The following RASAL2 variants were observed in gnomAD, a reference collection of about 807,000 sequenced individuals.
RASAL2 encodes the protein ras GTPase-activating protein nGAP.
In RASAL2, 58 loss-of-function variants were observed where a neutral mutation model predicts 128.9. That is an observed-to-expected ratio of 0.45 (90% CI 0.36 to 0.56). The LOEUF is 0.56. RASAL2 is among the 20% of genes least tolerant of loss of function. The probability of loss-of-function intolerance (pLI) is 0.00; values close to 1 mark genes in which losing one functional copy is unlikely to be tolerated. For missense variants in RASAL2, 1,360 were observed against 1,601.6 expected (o/e 0.85, Z 2.57); for synonymous variants, 561 against 580.8 (o/e 0.97, Z 0.49).
At chr1:178,452,796 CAACTT>C (rs1677477542) in intron 11 of RASAL2, 144 bp downstream of exon 11, 2 of 661,954 alleles carry the variant, frequency 3.0e-6, no homozygotes, top group South Asian at 1.9e-5. Context: ...AAAATGGAAA[CAACTT>C]AATCACTTCA....
At chr1:178,419,844 TG>T (rs1675026717) in intron 4 of RASAL2, among the ~76,000 whole-genome samples, 1 of 152,108 alleles carries the variant, frequency 6.6e-6, no homozygotes, top group African/African-American at 2.4e-5. Flanking sequence ...GAAGCTTTAA[TG>T]ATTTCATAAA....
At chr1:178,226,713 G>A (rs1663802117) in intron 1 of RASAL2, among the ~76,000 whole-genome samples, 1 of 152,164 alleles carries the variant, frequency 6.6e-6, no homozygotes, top group Admixed American at 6.5e-5. Flanking sequence ...TTGGGCGGCC[G>A]AGGCAGGCAG....
At chr1:178,202,785 G>C (rs1662916393) in intron 1 of RASAL2, among the ~76,000 whole-genome samples, 1 of 152,222 alleles carries the variant, frequency 6.6e-6, no homozygotes, top group Non-Finnish European at 1.5e-5. Context: ...TAATAATCAA[G>C]TGGATGGGAT....
chr1:178,463,415 G>T (rs1647315050), intron 14 of RASAL2, among the ~76,000 whole-genome samples: 1 of 152,120 alleles, frequency 6.6e-6, no homozygotes, highest in African/African-American at 2.4e-5. Flanking sequence ...TAACCTCTCT[G>T]TAGCACTCTG....
At chr1:178,187,619 T>C (rs1462004996) in intron 1 of RASAL2, among the ~76,000 whole-genome samples, 11 of 152,186 alleles carry the variant, frequency 7.2e-5, no homozygotes, top group Admixed American at 6.5e-5. Context: ...GAAAAACTGT[T>C]ACTTGGGAAA....
intron 1 of RASAL2, among the ~76,000 whole-genome samples, chr1:178,128,218 T>C (rs956910467): frequency 1.3e-5 from 2 of 152,128 alleles, no homozygotes; most frequent in Non-Finnish European, 1.5e-5. Context: ...AATTGATTCA[T>C]AGAAAAAAAT....
chr1:178,166,618 C>T (rs186421784), intron 1 of RASAL2, among the ~76,000 whole-genome samples: 1 of 152,122 alleles, frequency 6.6e-6, no homozygotes, highest in East Asian at 1.9e-4. Flanking sequence ...GTAGTGTCAC[C>T]AAAGATCCCT....
chr1:178,456,719 A>C lies in RASAL2; in HGVS notation c.2212-2A>C. On this transcript the variant is annotated splice_acceptor_variant, in intron 12 of 17. Coordinates refer to ENST00000367649, the MANE Select transcript of RASAL2 (RefSeq NM_170692.4). LOFTEE classifies it high-confidence loss of function. ...AATTAGGGTGAAAATTCCTTCCTAC[A>C]GGCGACCGTGGCAAAATTGGGGCCT... is the stretch of plus-strand genomic sequence containing the variant. The C allele has an allele frequency of 6.2e-7, 1 of 1,614,084 alleles. No homozygotes were observed. Among genetic ancestry groups the C allele is most frequent in the Non-Finnish European group, 8.5e-7 (1 of 1,179,992 alleles).
chr1:178,205,154 G>A (rs1321085472), intron 1 of RASAL2, among the ~76,000 whole-genome samples: 3 of 152,024 alleles, frequency 2.0e-5, no homozygotes, highest in Non-Finnish European at 4.4e-5. Context: ...ATAGGCGTAC[G>A]CTTCCATGCC....
chr1:178,452,592 G>A lies in RASAL2; in HGVS notation c.1949G>A (p.Arg650His), dbSNP rs773784348. ...CTTATGCAGGAGTATCCTGATGACC[G>A]CACATCTCGGACTCTAACTCTTATT... ...FNLMQEYPDD[R>H]TSRTLTLIAK... is the part of the protein sequence containing the mutation. Residue 650 changes from arginine to histidine, a missense_variant, in exon 11 of 18, where the codon CGC becomes CAC. Physicochemically the swap from Arg to His is conservative, Grantham distance 29 (BLOSUM62 0). Transcript: ENST00000367649. The A allele has an allele frequency of 6.8e-6, 11 of 1,613,852 alleles. No individual in the cohort carries two copies. The highest frequency in any genetic ancestry group is 4.4e-5 in the South Asian group (4 of 91,080).
At chr1:178,150,275 A>G (rs1312607703) in intron 1 of RASAL2, among the ~76,000 whole-genome samples, 3 of 151,856 alleles carry the variant, frequency 2.0e-5, no homozygotes, top group Admixed American at 6.6e-5. Context: ...GTGCACCGCA[A>G]CCTCCACCTC....
At chr1:178,178,806 T>C (rs1323727360) in intron 1 of RASAL2, among the ~76,000 whole-genome samples, 5 of 152,154 alleles carry the variant, frequency 3.3e-5, no homozygotes, top group African/African-American at 1.2e-4. Flanking sequence ...AGGAAAAGTA[T>C]ATGGAATTCT....
intron 1 of RASAL2, among the ~76,000 whole-genome samples, chr1:178,146,163 T>C (rs1489597701): frequency 1.3e-5 from 2 of 152,230 alleles, no homozygotes; most frequent in Non-Finnish European, 2.9e-5. Flanking sequence ...AAATTCCTGT[T>C]GGAAAAAACA....
Position 178,261,056 on chromosome 1 carries a change from A to C in RASAL2, c.203-22508A>C, listed in dbSNP as rs189840028. Among the ~76,000 whole-genome samples the C allele has an allele frequency of 3.3e-5, 5 of 152,292 alleles. No homozygotes were observed. The Middle Eastern group carries it at 0.01, about 311-fold the overall frequency. ...AGAAGGTGTGGAGGTCATTCTATTC[A>C]TACAGCTCCGAGCTCCTTGCTGCTG... On this transcript the variant is annotated intron_variant, in intron 1 of 17. Transcript: ENST00000367649.
At chr1:178,341,330 A>G in intron 3 of RASAL2, 1 of 867,426 alleles carries the variant, frequency 1.2e-6, no homozygotes, top group South Asian at 3.6e-5. Context: ...TGTGAAAGAA[A>G]GCCCAGTGAG....
At chr1:178,313,803 A>C (rs1383519697) in intron 3 of RASAL2, among the ~76,000 whole-genome samples, 1 of 152,212 alleles carries the variant, frequency 6.6e-6, no homozygotes, top group African/African-American at 2.4e-5. Context: ...TTGTAGTAAG[A>C]TATTAAGTTA....
chr1:178,310,404 A>G (rs1410826760), intron 3 of RASAL2, among the ~76,000 whole-genome samples: 2 of 152,198 alleles, frequency 1.3e-5, no homozygotes, highest in African/African-American at 2.4e-5. Context: ...CTTCATTTAC[A>G]TTTGAACATT....
At chr1:178,250,356 C>T (rs1664985223) in intron 1 of RASAL2, among the ~76,000 whole-genome samples, 1 of 152,222 alleles carries the variant, frequency 6.6e-6, no homozygotes, top group Non-Finnish European at 1.5e-5. Flanking sequence ...TCCAAACTCC[C>T]AGGCCTCCTT....
At chr1:178,144,620 A>C (rs1423835303) in intron 1 of RASAL2, among the ~76,000 whole-genome samples, 1 of 152,158 alleles carries the variant, frequency 6.6e-6, no homozygotes, top group African/African-American at 2.4e-5. Flanking sequence ...TATTTTTGAC[A>C]TCTCTTTTTG....
Sources: allele counts gnomAD v4.1 joint callset (sites outside exome capture counted in the v4.1 genomes callset), GRCh38; gene constraint gnomAD v4.1.1; transcripts MANE v1.5; gene names NCBI Gene and HGNC (gene_info 2026-07-23, HGNC 2026-07-21).